The following NRG3 variants were observed in gnomAD, a reference collection of about 807,000 sequenced individuals.
NRG3 encodes the protein pro-neuregulin-3, membrane-bound isoform.
In NRG3, 31 loss-of-function variants were observed where a neutral mutation model predicts 66.9. The ratio of observed to expected loss-of-function variants is 0.46; its 90% CI spans 0.35 to 0.63. The LOEUF is 0.63. Ranked by LOEUF, NRG3 falls within the 20% of genes least tolerant of loss-of-function variation. The probability of loss-of-function intolerance (pLI) is 0.00; values close to 1 mark genes in which losing one functional copy is unlikely to be tolerated. For missense variants in NRG3, 910 were observed against 878.9 expected (o/e 1.04, Z -0.45); for synonymous variants, 393 against 359.4 (o/e 1.09, Z -1.06).
chr10:82,609,162 G>A (rs1193990352), intron 2 of NRG3, among the ~76,000 whole-genome samples: 4 of 152,140 alleles, frequency 2.6e-5, no homozygotes. Context: ...TTGAATGTAT[G>A]CAAAGAAAGA....
intron 1 of NRG3, among the ~76,000 whole-genome samples, chr10:82,236,748 C>T (rs1210426378): frequency 7.5e-6 from 1 of 133,068 alleles, no homozygotes. Flanking sequence ...CAGAGTCTCG[C>T]TCTGTTGCCC....
intron 1 of NRG3, among the ~76,000 whole-genome samples, chr10:81,948,257 A>G (rs1047412113): frequency 6.6e-6 from 1 of 152,176 alleles, no homozygotes; most frequent in Admixed American, 6.6e-5. Context: ...GATTTCCTAT[A>G]CAGCCCCTTC....
chr10:82,308,010 A>G (rs2080836015), intron 1 of NRG3, among the ~76,000 whole-genome samples: 1 of 152,174 alleles, frequency 6.6e-6, no homozygotes, highest in Non-Finnish European at 1.5e-5. Context: ...ATCAAATGAT[A>G]AATTCCAATG....
intron 2 of NRG3, among the ~76,000 whole-genome samples, chr10:82,579,616 A>G (rs1356083354): frequency 6.6e-6 from 1 of 151,970 alleles, no homozygotes. Flanking sequence ...GTGCTCTGTG[A>G]CATATGGGTA....
At chr10:82,549,854 AT>A (rs11298582) in intron 2 of NRG3, among the ~76,000 whole-genome samples, 63,764 of 151,812 alleles carry the variant, frequency 0.42, 14,971 homozygotes, top group African/African-American at 0.63. Context: ...AATTAGATGA[AT>A]TTCTCAGTGT....
intron 2 of NRG3, among the ~76,000 whole-genome samples, chr10:82,430,266 G>GT (rs532121793): frequency 0.012 from 1,771 of 149,398 alleles, 19 homozygotes; most frequent in Non-Finnish European, 0.016. Flanking sequence ...TTTGTTTTTT[G>GT]TTTTTTTTTG....
At position 81,981,497 on chromosome 10, in the gene NRG3, GTTGCC is replaced by G. The variant is rs1447945509; in HGVS notation, c.823+105337_823+105341del. ...TTTGTGGGTCCACCGGGACAGCAAT[GTTGCC>G]TTAGCCCTGGGAAATAGCGTCGTCT... is the stretch of plus-strand genomic sequence containing the variant. On this transcript the variant is annotated intron_variant, in intron 1 of 8. Transcript: ENST00000372141. Among the ~76,000 whole-genome samples, 9 of 152,332 alleles carry G rather than the reference GTTGCC, an allele frequency of 5.9e-5. No individual in the cohort carries two copies. In the East Asian group the frequency reaches 1.7e-3, roughly 29 times the overall value.
rs562606498 is a variant in NRG3 at position 82,437,713 on chromosome 10, G to A, written c.953+78845G>A. Among the ~76,000 whole-genome samples, 5 of 152,140 alleles carry A rather than the reference G, an allele frequency of 3.3e-5. No homozygotes were observed. In the South Asian group the frequency reaches 1.0e-3, roughly 32 times the overall value. ...TTTGAGGTTGCTGATCCTTGGATGGGGTTTTTGTGGGGGCTTTTTGTTGTT... is the reference window on the plus strand; with the variant it reads ...TTTGAGGTTGCTGATCCTTGGATGGAGTTTTTGTGGGGGCTTTTTGTTGTT... On this transcript the variant is annotated intron_variant, in intron 2 of 8. Coordinates refer to ENST00000372141, the MANE Select transcript of NRG3 (RefSeq NM_001010848.4).
At chr10:82,282,298 G>A (rs1453971410) in intron 1 of NRG3, among the ~76,000 whole-genome samples, 1 of 149,708 alleles carries the variant, frequency 6.7e-6, no homozygotes, top group African/African-American at 2.4e-5. Context: ...TTATTATTTT[G>A]TAATCTGGAG....
chr10:82,982,640 C>T (rs1853048449), intron 8 of NRG3, among the ~76,000 whole-genome samples: 1 of 152,138 alleles, frequency 6.6e-6, no homozygotes, highest in African/African-American at 2.4e-5. Flanking sequence ...AGAAAAATTT[C>T]CCCTCCCTCT....
chr10:82,901,458 A>G (rs1844214440), intron 4 of NRG3, among the ~76,000 whole-genome samples: 1 of 152,060 alleles, frequency 6.6e-6, no homozygotes, highest in Non-Finnish European at 1.5e-5. Context: ...CAAAAAAAAT[A>G]CAATTCATAA....
At chr10:82,754,458 A>G (rs943377561) in intron 3 of NRG3, among the ~76,000 whole-genome samples, 3 of 151,842 alleles carry the variant, frequency 2.0e-5, no homozygotes, top group African/African-American at 4.8e-5. Context: ...GGTAGCTATG[A>G]TGAAACATGA....
intron 4 of NRG3, among the ~76,000 whole-genome samples, chr10:82,901,697 A>G (rs1844237172): frequency 6.6e-6 from 1 of 152,256 alleles, no homozygotes; most frequent in African/African-American, 2.4e-5. Context: ...ATTAGAACAC[A>G]GTGGGATAAG....
intron 2 of NRG3, among the ~76,000 whole-genome samples, chr10:82,660,924 T>C (rs961660832): frequency 3.3e-5 from 5 of 152,172 alleles, no homozygotes; most frequent in African/African-American, 1.2e-4. Context: ...GTCCTCCCTC[T>C]TCCATTTTTA....
chr10:81,933,392 T>A (rs1296173664), intron 1 of NRG3, among the ~76,000 whole-genome samples: 1 of 152,172 alleles, frequency 6.6e-6, no homozygotes, highest in Non-Finnish European at 1.5e-5. Context: ...CATTAATGAA[T>A]AAGATGGTAA....
chr10:81,954,359 T>A (rs2133217997), intron 1 of NRG3, among the ~76,000 whole-genome samples: 1 of 152,350 alleles, frequency 6.6e-6, no homozygotes, highest in Middle Eastern at 3.4e-3. Flanking sequence ...TGTCCTTTTT[T>A]AATCTCATGG....
intron 2 of NRG3, among the ~76,000 whole-genome samples, chr10:82,730,075 CTTTTTTTTTTTCCTT>C (rs1174038873): frequency 7.3e-6 from 1 of 137,894 alleles, no homozygotes; most frequent in Non-Finnish European, 1.6e-5. Context: ...ATTTTCTTTT[CTTTTTTTTTTTCCTT>C]TTTTTTTTTT....
chr10:82,738,175 C>T (rs1266540803), intron 2 of NRG3, among the ~76,000 whole-genome samples: 2 of 151,796 alleles, frequency 1.3e-5, no homozygotes, highest in Non-Finnish European at 2.9e-5. Flanking sequence ...CATTATATTT[C>T]AAAATATCTT....
intron 3 of NRG3, among the ~76,000 whole-genome samples, chr10:82,830,447 A>C (rs143063667): frequency 9.6e-4 from 146 of 152,306 alleles, no homozygotes; most frequent in East Asian, 9.5e-3. Context: ...TATGAGTTAT[A>C]TTTTCAGCTA....
Sources: allele counts gnomAD v4.1 joint callset (sites outside exome capture counted in the v4.1 genomes callset), GRCh38; gene constraint gnomAD v4.1.1; transcripts MANE v1.5; gene names NCBI Gene and HGNC (gene_info 2026-07-23, HGNC 2026-07-21).